Variants in MYRIP observed in about 807,000 individuals in gnomAD.
The protein encoded by MYRIP is myosin VIIA and Rab interacting protein.
Under a neutral mutation model 98.0 loss-of-function variants are expected in MYRIP, and 49 were observed. The ratio of observed to expected loss-of-function variants is 0.50; its 90% CI spans 0.40 to 0.63. The LOEUF is 0.63. Ranked by LOEUF, MYRIP falls within the 30% of genes least tolerant of loss-of-function variation. The probability of loss-of-function intolerance (pLI) is 0.00; values close to 1 mark genes in which losing one functional copy is unlikely to be tolerated. For synonymous variants in MYRIP, 404 were observed against 409.5 expected, an observed-to-expected ratio of 0.99 and a Z score of 0.16; for missense variants, 1,004 against 1,058.2, an observed-to-expected ratio of 0.95 and a Z score of 0.71.
intron 2 of MYRIP, among the ~76,000 whole-genome samples, chr3:40,034,248 T>C (rs1485395645): frequency 6.6e-6 from 1 of 152,126 alleles, no homozygotes; most frequent in East Asian, 1.9e-4. Context: ...AAAGAGCTTC[T>C]GCACAGCAAA....
chr3:40,188,231 C>A (rs1278110142), intron 9 of MYRIP, among the ~76,000 whole-genome samples: 1 of 152,188 alleles, frequency 6.6e-6, no homozygotes, highest in Non-Finnish European at 1.5e-5. Context: ...GTGGGCAGCA[C>A]TGTGAAATAC....
intron 2 of MYRIP, among the ~76,000 whole-genome samples, chr3:39,902,072 G>C (rs1043709644): frequency 6.6e-6 from 1 of 152,158 alleles, no homozygotes; most frequent in Admixed American, 6.5e-5. Context: ...CAGAGTCAAG[G>C]ACGTCCCCAA....
chr3:40,073,464 A>G (rs1948272285), intron 3 of MYRIP, among the ~76,000 whole-genome samples: 1 of 151,992 alleles, frequency 6.6e-6, no homozygotes, highest in African/African-American at 2.4e-5. Context: ...CTTTGTCCCC[A>G]CCTAGTTCCT....
At chr3:40,217,510 C>A (rs750600887) in intron 11 of MYRIP, among the ~76,000 whole-genome samples, 1 of 152,034 alleles carries the variant, frequency 6.6e-6, no homozygotes, top group Admixed American at 6.6e-5. Flanking sequence ...TGATGTTTGA[C>A]ATGGTAGGAA....
At chr3:39,899,542 A>G (rs1302757096) in intron 1 of MYRIP, among the ~76,000 whole-genome samples, 2 of 152,182 alleles carry the variant, frequency 1.3e-5, no homozygotes, top group Non-Finnish European at 2.9e-5. Context: ...ATACAACCCA[A>G]TTGATGTCTG....
chr3:40,144,967 G>A (rs1292825039), intron 3 of MYRIP, among the ~76,000 whole-genome samples: 1 of 152,190 alleles, frequency 6.6e-6, no homozygotes, highest in African/African-American at 2.4e-5. Context: ...ATCTATGAAA[G>A]AGAGGACTCA....
chr3:39,827,287 T>G (rs1469696672), intron 1 of MYRIP, among the ~76,000 whole-genome samples: 1 of 152,074 alleles, frequency 6.6e-6, no homozygotes, highest in East Asian at 1.9e-4. Flanking sequence ...TTTTTAAAAA[T>G]TTCTTTGTAG....
chr3:39,993,561 C>T (rs59095726), intron 2 of MYRIP, among the ~76,000 whole-genome samples: 15,380 of 152,154 alleles, frequency 0.1, 1,356 homozygotes, highest in African/African-American at 0.23. Flanking sequence ...AGTCAGTGGG[C>T]CCTGAACCCT....
chr3:40,121,786 T>G (rs186286018), intron 3 of MYRIP, among the ~76,000 whole-genome samples: 1 of 152,164 alleles, frequency 6.6e-6, no homozygotes, highest in Non-Finnish European at 1.5e-5. Flanking sequence ...TAAAGATTGA[T>G]GCAAAAAATT....
At chr3:39,991,958 T>C (rs1946190985) in intron 2 of MYRIP, among the ~76,000 whole-genome samples, 1 of 152,168 alleles carries the variant, frequency 6.6e-6, no homozygotes, top group African/African-American at 2.4e-5. Flanking sequence ...TATATTAGAT[T>C]AAATAACCTT....
intron 2 of MYRIP, among the ~76,000 whole-genome samples, chr3:40,013,137 C>A (rs961388708): frequency 2.0e-5 from 3 of 152,166 alleles, no homozygotes; most frequent in Non-Finnish European, 4.4e-5. Flanking sequence ...ACCCCATGTC[C>A]CCCTCCTCAC....
intron 2 of MYRIP, among the ~76,000 whole-genome samples, chr3:40,023,534 A>G (rs1356188736): frequency 1.3e-5 from 2 of 152,004 alleles, no homozygotes; most frequent in Non-Finnish European, 2.9e-5. Flanking sequence ...CACTCTTACT[A>G]CTGATGGGAC....
chr3:39,929,972 CTGAGT>C (rs2125698942), intron 2 of MYRIP, among the ~76,000 whole-genome samples: 1 of 152,014 alleles, frequency 6.6e-6, no homozygotes, highest in East Asian at 1.9e-4. Flanking sequence ...AGTTGATGAC[CTGAGT>C]TGTTTCCACT....
intron 2 of MYRIP, among the ~76,000 whole-genome samples, chr3:39,914,529 C>A (rs7615741): frequency 4.6e-5 from 7 of 151,948 alleles, no homozygotes; most frequent in Admixed American, 4.6e-4. Context: ...CTAAATACAT[C>A]TAAACAATAA....
chr3:39,884,126 T>C (rs1371143201), intron 1 of MYRIP, among the ~76,000 whole-genome samples: 2 of 152,122 alleles, frequency 1.3e-5, no homozygotes, highest in Non-Finnish European at 2.9e-5. Flanking sequence ...AGCTGATATC[T>C]GACTAGAAAC....
intron 1 of MYRIP, among the ~76,000 whole-genome samples, chr3:39,890,037 C>T (rs1460543651): frequency 3.9e-5 from 6 of 152,102 alleles, no homozygotes; most frequent in Non-Finnish European, 8.8e-5. Flanking sequence ...CTCTACTCCT[C>T]CCAGATAATC....
At chr3:39,878,842 G>T (rs1431561341) in intron 1 of MYRIP, among the ~76,000 whole-genome samples, 1 of 151,018 alleles carries the variant, frequency 6.6e-6, no homozygotes, top group Non-Finnish European at 1.5e-5. Flanking sequence ...GGATCATGAG[G>T]TGAAGAGATA....
At chr3:39,976,813 G>A (rs1265145470) in intron 2 of MYRIP, among the ~76,000 whole-genome samples, 4 of 152,018 alleles carry the variant, frequency 2.6e-5, no homozygotes, top group East Asian at 1.9e-4. Flanking sequence ...ACCAAACACC[G>A]CATGTTCTCA....
At chr3:40,185,435 T>G (rs1406452953) in intron 9 of MYRIP, among the ~76,000 whole-genome samples, 1 of 152,056 alleles carries the variant, frequency 6.6e-6, no homozygotes, top group Admixed American at 6.6e-5. Flanking sequence ...TGCACAATAA[T>G]GGAAGAGCAG....
Sources: allele counts gnomAD v4.1 joint callset (sites outside exome capture counted in the v4.1 genomes callset), GRCh38; gene constraint gnomAD v4.1.1; transcripts MANE v1.5; gene names NCBI Gene and HGNC (gene_info 2026-07-23, HGNC 2026-07-21).